The following WBP2NL variants were observed in gnomAD, a reference collection of about 807,000 sequenced individuals.
WBP2NL encodes WBP2 N-terminal like, also known as postacrosomal sheath WW domain-binding protein.
WBP2NL carries 27 observed loss-of-function variants against 23.3 expected under a neutral mutation model. That is an observed-to-expected ratio of 1.16 (90% CI 0.85 to 1.60). WBP2NL has a LOEUF of 1.60. Among genes scored for constraint, WBP2NL ranks in the 40% most tolerant of loss-of-function variants. The probability of loss-of-function intolerance (pLI) is 0.00; values close to 1 mark genes in which losing one functional copy is unlikely to be tolerated. For synonymous variants in WBP2NL, 151 were observed against 145.9 expected (o/e 1.03, Z -0.25); for missense variants, 370 against 389.5 (o/e 0.95, Z 0.42).
At chr22:42,001,712 G>T in intron 1 of WBP2NL, 1 of 1,218,298 alleles carries the variant, frequency 8.2e-7, no homozygotes. Flanking sequence ...GAAGTTAAGA[G>T]CCTGGGTGGG....
intron 1 of WBP2NL, among the ~76,000 whole-genome samples, chr22:42,014,234 T>C (rs2146775871): frequency 6.6e-6 from 1 of 151,726 alleles, no homozygotes; most frequent in East Asian, 1.9e-4. Context: ...ATATTCTTTT[T>C]TCTTATTTTG....
At chr22:42,019,044 C>T (rs1191141483) in intron 1 of WBP2NL, among the ~76,000 whole-genome samples, 1 of 151,494 alleles carries the variant, frequency 6.6e-6, no homozygotes, top group East Asian at 1.9e-4. Flanking sequence ...AACAGTGAAA[C>T]CCCCATCTCT....
In WBP2NL at chr22:42,026,872, T is replaced by C. The variant is rs142307777; in HGVS notation, c.621T>C (p.Pro207=). 300 of 1,613,406 alleles carry C rather than the reference T, an allele frequency of 1.9e-4. No homozygotes were observed. The African/African-American group carries it at 3.7e-3, about 20-fold the overall frequency. ...AACCCGTAGGAAATGAAGGCCCGCC[T>C]GTGGGATACAGAGCCTCACCTGTGC... ...GAQPVGNEGP[P]VGYRASPVRY... Residue 207 remains proline, a synonymous_variant, in exon 6 of 6, where the codon CCT becomes CCC. Coordinates refer to ENST00000328823, the MANE Select transcript of WBP2NL (RefSeq NM_152613.3).
chr22:42,023,051 C>T (rs1199678256), intron 5 of WBP2NL, among the ~76,000 whole-genome samples: 1 of 152,148 alleles, frequency 6.6e-6, no homozygotes, highest in African/African-American at 2.4e-5. Context: ...AACATTTTTT[C>T]AGTTGGTGAA....
At chr22:42,045,176 C>T (rs1397781270) in intron 8 of WBP2NL, among the ~76,000 whole-genome samples, 3 of 152,052 alleles carry the variant, frequency 2.0e-5, no homozygotes, top group Non-Finnish European at 4.4e-5. Context: ...CGGTGGCTCA[C>T]GCCTGTAATC....
At chr22:42,057,901 ATTTTTTTTTTTTTTTTTTT>A (rs1156692446) in intron 8 of WBP2NL, among the ~76,000 whole-genome samples, 1 of 18,224 alleles carries the variant, frequency 5.5e-5, no homozygotes, top group Non-Finnish European at 8.7e-5. Flanking sequence ...ATATATATAT[ATTTTTTTTTTTTTTTTTTT>A]TTTTTTTTTT....
chr22:42,003,369 TA>T (rs1255349730), intron 1 of WBP2NL: 1 of 152,636 alleles, frequency 6.6e-6, no homozygotes, highest in African/African-American at 2.4e-5. Flanking sequence ...TGTCTTACAC[TA>T]AATGTGGGTA....
At chr22:42,007,842 A>C (rs1404556325) in intron 1 of WBP2NL, among the ~76,000 whole-genome samples, 13 of 121,134 alleles carry the variant, frequency 1.1e-4, no homozygotes, top group Admixed American at 1.0e-3. Flanking sequence ...GGTTATTGTG[A>C]ATAGTGCTGC....
chr22:42,023,881 C>T (rs1463683627), intron 5 of WBP2NL, among the ~76,000 whole-genome samples: 1 of 151,998 alleles, frequency 6.6e-6, no homozygotes, highest in Non-Finnish European at 1.5e-5. Flanking sequence ...TGGGCTCAAG[C>T]AAGTCTATTG....
At chr22:42,007,851 G>A (rs893905271) in intron 1 of WBP2NL, among the ~76,000 whole-genome samples, 8 of 53,086 alleles carry the variant, frequency 1.5e-4, no homozygotes, top group African/African-American at 3.2e-4. Context: ...GAATAGTGCT[G>A]CTATCAACAT....
chr22:42,010,319 C>G (rs550888387), intron 1 of WBP2NL, among the ~76,000 whole-genome samples: 1 of 152,240 alleles, frequency 6.6e-6, no homozygotes, highest in South Asian at 2.1e-4. Context: ...CCTAATTGCT[C>G]TGGCTAGGAC....
At chr22:42,046,765 A>G (rs1274026693) in intron 8 of WBP2NL, among the ~76,000 whole-genome samples, 3 of 152,060 alleles carry the variant, frequency 2.0e-5, no homozygotes, top group East Asian at 1.9e-4. Context: ...GTTTTTAATG[A>G]TGGATAAACT....
chr22:42,040,145 T>TC (rs1383538772), intron 8 of WBP2NL, among the ~76,000 whole-genome samples: 1 of 152,116 alleles, frequency 6.6e-6, no homozygotes, highest in Non-Finnish European at 1.5e-5. Flanking sequence ...ACTCTTGACT[T>TC]CAAGTGATCC....
At chr22:42,003,696 A>G (rs1042023584) in intron 1 of WBP2NL, among the ~76,000 whole-genome samples, 1 of 152,200 alleles carries the variant, frequency 6.6e-6, no homozygotes, top group Non-Finnish European at 1.5e-5. Context: ...TTGCGAAAAA[A>G]CTATGCATGG....
downstream of WBP2NL, chr22:42,028,554 A>G (rs1050097292): frequency 6.6e-6 from 1 of 152,612 alleles, no homozygotes; most frequent in African/African-American, 2.4e-5. Flanking sequence ...GTTCACTCCC[A>G]TATACATAGT....
chr22:42,018,891 A>G (rs1310040218), intron 1 of WBP2NL, among the ~76,000 whole-genome samples: 2 of 148,332 alleles, frequency 1.3e-5, no homozygotes, highest in African/African-American at 2.5e-5. Context: ...AGCAGCAGCT[A>G]ATGTTTATTG....
At chr22:42,049,165 G>T (rs1925717216) in intron 8 of WBP2NL, among the ~76,000 whole-genome samples, 1 of 152,158 alleles carries the variant, frequency 6.6e-6, no homozygotes, top group African/African-American at 2.4e-5. Flanking sequence ...CAGACAAGTA[G>T]ATTAGTGGAA....
downstream of WBP2NL, among the ~76,000 whole-genome samples, chr22:42,034,118 G>A (rs1233578702): frequency 1.1e-4 from 17 of 152,214 alleles, no homozygotes; most frequent in Admixed American, 7.8e-4. Context: ...GGGCCAGGGC[G>A]GCAGGGGGCT....
chr22:42,028,772 G>T (rs1414861357), downstream of WBP2NL, among the ~76,000 whole-genome samples: 1 of 152,204 alleles, frequency 6.6e-6, no homozygotes, highest in Non-Finnish European at 1.5e-5. Flanking sequence ...ATATAAAACA[G>T]AGTTAGGCTG....
Sources: gnomAD v4.1 joint callset for allele counts (sites outside exome capture counted in the v4.1 genomes callset) on GRCh38, gnomAD v4.1.1 for gene constraint, MANE v1.5 for transcripts, NCBI Gene and HGNC (gene_info 2026-07-23, HGNC 2026-07-21) for gene names.